NECAP1: variants seen among roughly 807,000 people sequenced by gnomAD.
The protein encoded by NECAP1 is NECAP endocytosis associated 1.
In NECAP1, 13 loss-of-function variants were observed where a neutral mutation model predicts 33.4. The observed-to-expected ratio is 0.39, with a 90% CI of 0.25 to 0.62. The LOEUF is 0.62. Among genes scored for constraint, NECAP1 ranks in the 20% least tolerant of loss-of-function variants. The pLI is 0.52. For missense variants in NECAP1, 272 were observed against 347.4 expected, an observed-to-expected ratio of 0.78 and a Z score of 1.73; for synonymous variants, 109 against 125.2, an observed-to-expected ratio of 0.87 and a Z score of 0.86.
At chr12:8,086,383 C>T (rs1389094940) in intron 1 of NECAP1, among the ~76,000 whole-genome samples, 1 of 152,026 alleles carries the variant, frequency 6.6e-6, no homozygotes, top group East Asian at 1.9e-4. Flanking sequence ...GAGGCCGAGG[C>T]GCACGGATCA....
chr12:8,087,803 T>C (rs1298289860), intron 1 of NECAP1, among the ~76,000 whole-genome samples: 4 of 152,110 alleles, frequency 2.6e-5, no homozygotes. Context: ...CTGGATCAGA[T>C]TTAGGTACTT....
rs1947509461 is a variant in NECAP1 at position 8,088,217 on chromosome 12, CAT to C, written c.96-1714_96-1713del. Reference sequence around the variant, plus strand: ...CCAGATGTCTTTCTTGAACTCGTCTCATATATTTTACTGCCTACTCTACATCT... The same window carrying C: ...CCAGATGTCTTTCTTGAACTCGTCTCATATTTTACTGCCTACTCTACATCT... On this transcript the variant is annotated intron_variant, in intron 1 of 7. Coordinates refer to ENST00000339754, the MANE Select transcript of NECAP1 (RefSeq NM_015509.4). Among the ~76,000 whole-genome samples, 3 of 152,290 alleles carry C rather than the reference CAT, an allele frequency of 2.0e-5. No homozygotes were observed. In the South Asian group the frequency reaches 6.2e-4, roughly 32 times the overall value.
rs1947608020 is a variant in NECAP1 at position 8,097,795 on chromosome 12, T to TATTTGATTACCTTTTAA, written c.*1710_*1726dup. 6.6e-6 allele frequency: 1 copy of TATTTGATTACCTTTTAA among 152,594 alleles called. No individual in the cohort carries two copies. The highest frequency in any genetic ancestry group is 2.4e-5 in the African/African-American group (1 of 41,466). The allele number at this position is 152,594 out of a possible 1,614,324, so 9.5% of individuals were successfully genotyped here. A position where few individuals can be genotyped will look rare whatever the true frequency, so the allele number is the denominator to read the frequency against. On this transcript the variant is annotated 3_prime_UTR_variant, in exon 8 of 8. Coordinates refer to ENST00000339754, the MANE Select transcript of NECAP1 (RefSeq NM_015509.4). ...TGTCTCTTTTATCTTTTAATTTGCTTATTTGATTACCTTTTAAATTTAATT... is the reference window on the plus strand; with the variant it reads ...TGTCTCTTTTATCTTTTAATTTGCTTATTTGATTACCTTTTAAATTTGATTACCTTTTAAATTTAATT...
At chr12:8,092,303 C>T (rs1947556527) in intron 4 of NECAP1, 1 of 259,136 alleles carries the variant, frequency 3.9e-6, no homozygotes, top group Non-Finnish European at 7.5e-6. Context: ...AAGCATATCT[C>T]TCCTTTTCTG....
chr12:8,090,215 C>T lies in NECAP1; in HGVS notation c.217C>T (p.Pro73Ser), dbSNP rs2120476836. 6.2e-7 allele frequency: 1 copy of T among 1,614,146 alleles called. No individual in the cohort carries two copies. The highest frequency in any genetic ancestry group is 8.5e-7 in the Non-Finnish European group (1 of 1,180,020). The stretch of plus-strand genomic sequence containing the variant: ...GTCAGGGGAGCTCTTTGCTCAGGCA[C>T]CAGTAGAACAATATCCTGGTATTGC... ...KVSGELFAQA[P>S]VEQYPGIAVE... is the part of the protein sequence containing the mutation. Residue 73 changes from proline (P) to serine (S), a missense_variant, in exon 3 of 8, where the codon CCA (proline) becomes TCA (serine). Transcript: ENST00000339754.
At chr12:8,095,256 TTTTG>T in intron 6 of NECAP1, 3 of 149,560 alleles carry the variant, frequency 2.0e-5, no homozygotes, top group South Asian at 4.3e-4. Context: ...TTTTTTTTTT[TTTTG>T]AGACGGAGTC....
In NECAP1 at chr12:8,090,216, C is replaced by A; in HGVS notation, c.218C>A (p.Pro73Gln). Residue 73 changes from proline (P) to glutamine (Q), a missense_variant, in exon 3 of 8, where the codon CCA becomes CAA. By Grantham distance (76) the Pro-to-Gln change is moderately conservative. Transcript: ENST00000339754. ...KVSGELFAQA[P>Q]VEQYPGIAVE... Reference sequence around the variant, plus strand: ...TCAGGGGAGCTCTTTGCTCAGGCACCAGTAGAACAATATCCTGGTATTGCT... The same window carrying A: ...TCAGGGGAGCTCTTTGCTCAGGCACAAGTAGAACAATATCCTGGTATTGCT... The A allele has an allele frequency of 1.2e-6, 2 of 1,614,188 alleles. No homozygotes were observed. The highest frequency in any genetic ancestry group is 8.5e-7 in the Non-Finnish European group (1 of 1,180,036).
In NECAP1 at chr12:8,097,842, T is replaced by G. The variant is rs1348719519; in HGVS notation, c.*1752T>G. 6.6e-6 allele frequency: 1 copy of G among 152,528 alleles called. No homozygotes were observed. The highest frequency in any genetic ancestry group is 1.9e-4 in the East Asian group (1 of 5,202). The allele number at this position is 152,528 out of a possible 1,614,324, so 9.4% of individuals were successfully genotyped here. On this transcript the variant is annotated 3_prime_UTR_variant, in exon 8 of 8. Transcript: ENST00000339754. ...AATTGACCAAATATAAGTGGACCAG[T>G]AGTTAATAAAGGATATTTATATCAC...
intron 1 of NECAP1, among the ~76,000 whole-genome samples, chr12:8,083,303 C>A (rs1947458792): frequency 6.6e-6 from 1 of 151,724 alleles, no homozygotes; most frequent in African/African-American, 2.4e-5. Flanking sequence ...AGTGATGATA[C>A]CTGCGCTCTT....
chr12:8,092,547 C>G, intron 4 of NECAP1, 129 bp from the exon 5 acceptor site: 6 of 628,434 alleles, frequency 9.5e-6, no homozygotes, highest in East Asian at 3.0e-5. Context: ...CCTTCTGTTT[C>G]TCACTCTTTT....
rs1279427729 is a variant in NECAP1, at chr12:8,091,764, C to T, written c.302-5C>T. 3 of 1,613,690 alleles carry T rather than the reference C, an allele frequency of 1.9e-6. No homozygotes were observed. The East Asian group carries it at 6.7e-5, about 36-fold the overall frequency. On this transcript the variant is annotated splice_region_variant and splice_polypyrimidine_tract_variant and intron_variant, in intron 3 of 7. Coordinates refer to ENST00000339754, the MANE Select transcript of NECAP1 (RefSeq NM_015509.4). The stretch of plus-strand genomic sequence containing the variant: ...CCTAGTCGAGTCTTCCTACGTTTTC[C>T]ACAGGGCGCAGTGCTTTCATTGGCA...
rs1947531950 is a variant in NECAP1 at position 8,090,309 on chromosome 12, C to G, written c.301+10C>G. On this transcript the variant is annotated intron_variant, in intron 3 of 7. Coordinates refer to ENST00000339754, the MANE Select transcript of NECAP1 (RefSeq NM_015509.4). ...ATCCAGGATGGTACTGGTAAGAGAACTGGGATTTTGAGTGGAACGAAGTTA... is the reference window on the plus strand; with the variant it reads ...ATCCAGGATGGTACTGGTAAGAGAAGTGGGATTTTGAGTGGAACGAAGTTA... The G allele has an allele frequency of 6.2e-7, 1 of 1,612,298 alleles. No individual in the cohort carries two copies. Among genetic ancestry groups the G allele is most frequent in the African/African-American group, 1.3e-5 (1 of 74,858 alleles).
chr12:8,082,501 C>T (rs1947448966), intron 1 of NECAP1, 118 bp downstream of exon 1: 1 of 904,432 alleles, frequency 1.1e-6, no homozygotes, highest in Non-Finnish European at 1.7e-6. Context: ...CCTTGCTAGC[C>T]TCCCTACCTG....
intron 1 of NECAP1, 113 bp downstream of exon 1, chr12:8,082,496 C>CTTTTTT: frequency 1.1e-6 from 1 of 924,808 alleles, no homozygotes; most frequent in Non-Finnish European, 1.7e-6. Flanking sequence ...TGTCACCTTG[C>CTTTTTT]TAGCCTCCCT....
intron 1 of NECAP1, among the ~76,000 whole-genome samples, chr12:8,084,217 G>T (rs1003245672): frequency 9.2e-5 from 14 of 152,008 alleles, no homozygotes; most frequent in African/African-American, 3.4e-4. Flanking sequence ...CTGTGCGCTG[G>T]GCCCTGTGGG....
rs58270520 is a variant in NECAP1, at chr12:8,082,774, TCACACACACA to T, written c.95+425_95+434del. Reference sequence around the variant, plus strand: ...CTCATCCTTTCTCTCTCTCTCTCTCTCACACACACACACACACACACACACACACACACAC... The same window carrying T: ...CTCATCCTTTCTCTCTCTCTCTCTCTCACACACACACACACACACACACAC... On this transcript the variant is annotated intron_variant, in intron 1 of 7. Coordinates refer to ENST00000339754, the MANE Select transcript of NECAP1 (RefSeq NM_015509.4). 6.3e-3 allele frequency: 892 copies of T among 141,682 alleles called. 8 individuals carry two copies. The highest frequency in any genetic ancestry group is 0.024 in the African/African-American group (835 of 34,706). The allele number at this position is 141,682 out of a possible 1,614,324, so 8.8% of individuals were successfully genotyped here.
chr12:8,095,988 G>A, intron 7 of NECAP1, 54 bp from the exon 8 acceptor site: 2 of 1,592,174 alleles, frequency 1.3e-6, no homozygotes, highest in South Asian at 2.2e-5. Context: ...GTAAAGAATG[G>A]AGTTGTTATC....
chr12:8,088,960 C>T (rs1336076479), intron 1 of NECAP1: 1 of 152,260 alleles, frequency 6.6e-6, no homozygotes, highest in Non-Finnish European at 1.5e-5. Context: ...CCCAACCACC[C>T]TCTTGAATGC....
intron 1 of NECAP1, among the ~76,000 whole-genome samples, chr12:8,085,209 G>A (rs1205542850): frequency 6.6e-6 from 1 of 152,108 alleles, no homozygotes; most frequent in African/African-American, 2.4e-5. Context: ...TAGTAGAGAC[G>A]GGGTTTCACT....
Sources: gnomAD v4.1 joint callset for allele counts (sites outside exome capture counted in the v4.1 genomes callset) on GRCh38, gnomAD v4.1.1 for gene constraint, MANE v1.5 for transcripts, NCBI Gene and HGNC (gene_info 2026-07-23, HGNC 2026-07-21) for gene names.